Variants in FUBP1 observed in about 807,000 individuals in gnomAD.
FUBP1 encodes far upstream element-binding protein 1.
A neutral mutation model predicts 94.9 loss-of-function variants in FUBP1; 16 were observed. The ratio of observed to expected loss-of-function variants is 0.17; its 90% CI spans 0.11 to 0.26. FUBP1 has a LOEUF of 0.26. Among genes scored for constraint, FUBP1 ranks in the 10% least tolerant of loss-of-function variants. The pLI is 1.00. For missense variants in FUBP1, 583 were observed against 808.6 expected, an observed-to-expected ratio of 0.72 and a Z score of 3.38; for synonymous variants, 279 against 254.9, an observed-to-expected ratio of 1.09 and a Z score of -0.90.
At chr1:77,949,379 C>T in intron 18 of FUBP1, 79 bp from the exon 19 acceptor site, 3 of 1,150,698 alleles carry the variant, frequency 2.6e-6, no homozygotes, top group Non-Finnish European at 3.8e-6. Context: ...CAATACCTTG[C>T]TTCTTGTAAT....
chr1:77,978,651 C>G (rs1557489893), intron 1 of FUBP1, among the ~76,000 whole-genome samples: 1 of 152,236 alleles, frequency 6.6e-6, no homozygotes, highest in Non-Finnish European at 1.5e-5. Context: ...AGAAAGACTT[C>G]AGGCCTTCTT....
upstream of FUBP1, chr1:77,979,075 A>C (rs971604941): frequency 7.0e-7 from 1 of 1,418,924 alleles, no homozygotes; most frequent in Non-Finnish European, 9.5e-7. Context: ...AAAGAAAGAA[A>C]ATGGCGGCCG....
At chr1:77,964,219 C>T (rs2102394039) in intron 11 of FUBP1, 35 bp downstream of exon 11, 2 of 1,531,834 alleles carry the variant, frequency 1.3e-6, no homozygotes, top group East Asian at 2.2e-5. Context: ...AAACTCACTG[C>T]TGCCAACACT....
chr1:77,958,512 T>C (rs1400935642), intron 16 of FUBP1, among the ~76,000 whole-genome samples: 4 of 152,240 alleles, frequency 2.6e-5, no homozygotes, highest in Admixed American at 2.0e-4. Flanking sequence ...CTAAGTCTAA[T>C]ATAAGCAATA....
In FUBP1 at chr1:77,947,727, G is replaced by T. The variant is rs934456498; in HGVS notation, c.*1039C>A. Reference sequence around the variant, plus strand: ...TTCAAGTACATAAAAAAATTAAGTTGATTCAATGATTGGACTTGTGCATTT... The same window carrying T: ...TTCAAGTACATAAAAAAATTAAGTTTATTCAATGATTGGACTTGTGCATTT... On this transcript the variant is annotated 3_prime_UTR_variant, in exon 20 of 20. Transcript: ENST00000370768. 3.7e-6 allele frequency: 2 copies of T among 544,006 alleles called. No homozygotes were observed. The highest frequency in any genetic ancestry group is 6.1e-6 in the Non-Finnish European group (2 of 327,714). The allele number at this position is 544,006 out of a possible 1,614,324, so 33.7% of individuals were successfully genotyped here.
chr1:77,962,671 GTAA>G, intron 14 of FUBP1, 96 bp downstream of exon 14: 2 of 656,536 alleles, frequency 3.0e-6, no homozygotes, highest in Non-Finnish European at 2.6e-6. Flanking sequence ...ATGCTGACTA[GTAA>G]TGATACATTT....
chr1:77,955,786 C>A (rs1227051726), intron 17 of FUBP1, among the ~76,000 whole-genome samples: 1 of 152,098 alleles, frequency 6.6e-6, no homozygotes, highest in Admixed American at 6.5e-5. Flanking sequence ...CCTAGTTCTG[C>A]CTGTTGAAAG....
intron 18 of FUBP1, among the ~76,000 whole-genome samples, chr1:77,953,828 A>G (rs897321892): frequency 6.6e-6 from 1 of 152,244 alleles, no homozygotes; most frequent in African/African-American, 2.4e-5. Flanking sequence ...ATTAATGGCC[A>G]TATTACAAAT....
Position 77,978,938 on chromosome 1 carries a change from C to T in FUBP1, c.67G>A (p.Gly23Ser), listed in dbSNP as rs768053690. ...AAAGCGTCGTTAACTCCTCCACCACCACCGCCGCCACCACCGCCACCAGCT... is the reference window on the plus strand; with the variant it reads ...AAAGCGTCGTTAACTCCTCCACCACTACCGCCGCCACCACCGCCACCAGCT... ...GSAGGGGGGG[G>S]GGGVNDAFKD... is the part of the protein sequence containing the mutation. The change falls in exon 1 of 20, where the codon GGT becomes AGT. Residue 23 changes from glycine to serine, a missense_variant. Gly to Ser is a moderately conservative substitution (Grantham distance 56, BLOSUM62 0). Coordinates refer to ENST00000370768, the MANE Select transcript of FUBP1 (RefSeq NM_003902.5). The T allele has an allele frequency of 2.5e-6, 4 of 1,613,238 alleles. No homozygotes were observed. In the South Asian group the frequency reaches 4.4e-5, roughly 18 times the overall value.
At chr1:77,952,805 A>G (rs1002910664) in intron 18 of FUBP1, among the ~76,000 whole-genome samples, 15 of 152,354 alleles carry the variant, frequency 9.8e-5, no homozygotes, top group Middle Eastern at 6.8e-3. Context: ...AATGCTCATC[A>G]AGCACCTGAC....
At chr1:77,963,051 A>G in intron 13 of FUBP1, 121 bp from the exon 14 acceptor site, 2 of 587,370 alleles carry the variant, frequency 3.4e-6, no homozygotes, top group Admixed American at 3.0e-5. Flanking sequence ...ATCCTAATTG[A>G]CAATATTGTA....
chr1:77,976,532 T>A (rs1658626544), intron 1 of FUBP1, among the ~76,000 whole-genome samples: 2 of 151,056 alleles, frequency 1.3e-5, no homozygotes, highest in South Asian at 4.3e-4. Context: ...TCTCGCTCTA[T>A]GACCAGGCTG....
In FUBP1 at chr1:77,962,942, A is replaced by G. The variant is rs1375239119; in HGVS notation, c.1184-12T>C. ...TATGGTTTCACCTCCTAAAATCAAA[A>G]GACAGTAATTTCTCTAAAGGTTTCA... On this transcript the variant is annotated splice_polypyrimidine_tract_variant and intron_variant, in intron 13 of 19. Transcript: ENST00000370768. The G allele has an allele frequency of 6.2e-7, 1 of 1,604,770 alleles. No individual in the cohort carries two copies. Among genetic ancestry groups the G allele is most frequent in the East Asian group, 2.2e-5 (1 of 44,770 alleles).
chr1:77,963,049 T>G, intron 13 of FUBP1, 119 bp from the exon 14 acceptor site: 1 of 596,352 alleles, frequency 1.7e-6, no homozygotes, highest in Non-Finnish European at 2.9e-6. Context: ...GTATCCTAAT[T>G]GACAATATTG....
chr1:77,953,475 T>A (rs555325032), intron 18 of FUBP1, among the ~76,000 whole-genome samples: 2 of 152,108 alleles, frequency 1.3e-5, no homozygotes, highest in Non-Finnish European at 2.9e-5. Context: ...TGGGCGAGAG[T>A]GAGACTCCCT....
chr1:77,979,097 T>C (rs1349003328), upstream of FUBP1: 2 of 1,265,428 alleles, frequency 1.6e-6, no homozygotes, highest in Non-Finnish European at 2.1e-6. Context: ...CGAAGCTCTA[T>C]TACATTCTTG....
At chr1:77,969,722 T>A (rs542296906) in intron 2 of FUBP1, among the ~76,000 whole-genome samples, 7 of 152,184 alleles carry the variant, frequency 4.6e-5, no homozygotes, top group East Asian at 1.9e-4. Context: ...CTTCCTTTTT[T>A]AAAAAATTTT....
At position 77,946,460 on chromosome 1, in the gene FUBP1, CA is replaced by C; in HGVS notation, c.*2305del. The C allele has an allele frequency of 4.9e-6, 1 of 202,584 alleles. No homozygotes were observed. 12.5% of individuals were successfully genotyped at this position (202,584 alleles called of 1,614,324 possible). Reference sequence around the variant, plus strand: ...CAGATTGCCTTTGAATACACAACCACAAAAACCTCACAGGGACAACATTAAT... The same window carrying C: ...CAGATTGCCTTTGAATACACAACCACAAAACCTCACAGGGACAACATTAAT... On this transcript the variant is annotated 3_prime_UTR_variant, in exon 20 of 20. Coordinates refer to ENST00000370768, the MANE Select transcript of FUBP1 (RefSeq NM_003902.5).
At chr1:77,977,827 T>C (rs1026867132) in intron 1 of FUBP1, among the ~76,000 whole-genome samples, 1 of 152,252 alleles carries the variant, frequency 6.6e-6, no homozygotes, top group African/African-American at 2.4e-5. Flanking sequence ...ATGTTTATAA[T>C]GCGTTCACAT....
Sources: gnomAD v4.1 joint callset for allele counts (sites outside exome capture counted in the v4.1 genomes callset) on GRCh38, gnomAD v4.1.1 for gene constraint, MANE v1.5 for transcripts, NCBI Gene and HGNC (gene_info 2026-07-23, HGNC 2026-07-21) for gene names.